The following GNPTAB variants were observed in gnomAD, a reference collection of about 807,000 sequenced individuals.
GNPTAB encodes the protein N-acetylglucosamine-1-phosphotransferase subunits alpha/beta.
Under a neutral mutation model 136.6 loss-of-function variants are expected in GNPTAB, and 92 were observed. That is an observed-to-expected ratio of 0.67 (90% CI 0.57 to 0.80). GNPTAB has a LOEUF of 0.80. Among genes scored for constraint, GNPTAB ranks in the 30% least tolerant of loss-of-function variants. The pLI is 0.00. For missense variants in GNPTAB, 1,343 were observed against 1,501.8 expected, an observed-to-expected ratio of 0.89 and a Z score of 1.75; for synonymous variants, 512 against 535.1, an observed-to-expected ratio of 0.96 and a Z score of 0.60.
At chr12:101,775,776 T>TA (rs1299715364) in intron 7 of GNPTAB, among the ~76,000 whole-genome samples, 1 of 152,124 alleles carries the variant, frequency 6.6e-6, no homozygotes, top group East Asian at 1.9e-4. Context: ...TACCGTGCTT[T>TA]AAAAGAACAA....
chr12:101,817,215 T>C (rs1452917448), intron 1 of GNPTAB, among the ~76,000 whole-genome samples: 1 of 151,534 alleles, frequency 6.6e-6, no homozygotes, highest in Non-Finnish European at 1.5e-5. Context: ...AAAGAAATGA[T>C]ACATGGTTGA....
chr12:101,761,797 A>G, intron 13 of GNPTAB, 34 bp from the exon 14 acceptor site: 1 of 1,434,484 alleles, frequency 7.0e-7, no homozygotes, highest in Non-Finnish European at 9.8e-7. Context: ...ACTCAGCATT[A>G]TGTTTAGTGC....
At chr12:101,820,992 G>A (rs1870762423) in intron 1 of GNPTAB, among the ~76,000 whole-genome samples, 1 of 150,834 alleles carries the variant, frequency 6.6e-6, no homozygotes, top group South Asian at 2.1e-4. Flanking sequence ...AGGAGGTGGA[G>A]GTTGCAGTGA....
chr12:101,803,190 G>C lies in GNPTAB; in HGVS notation c.118-6428C>G, dbSNP rs547657494. 2.0e-5 allele frequency among the ~76,000 whole-genome samples: 3 copies of C among 152,118 alleles called. No individual in the cohort carries two copies. The East Asian group carries it at 5.8e-4, about 29-fold the overall frequency. ...TCTAACCTTGTCTTCCCTCCAACAA[G>C]GGAAAAAGAAAAGATAAATGTACCA... On this transcript the variant is annotated intron_variant, in intron 1 of 20. Transcript: ENST00000299314.
intron 13 of GNPTAB, 128 bp downstream of exon 13, chr12:101,764,074 G>GT: frequency 2.5e-6 from 3 of 1,207,186 alleles, no homozygotes; most frequent in Non-Finnish European, 3.5e-6. Context: ...ATGAAACCAT[G>GT]TAAGAAAAGC....
intron 1 of GNPTAB, among the ~76,000 whole-genome samples, chr12:101,826,275 T>C (rs1871079731): frequency 1.3e-5 from 2 of 152,198 alleles, no homozygotes. Flanking sequence ...CCTATTTTGC[T>C]TCCTTATGCA....
intron 1 of GNPTAB, chr12:101,810,468 C>CACAT (rs1491147845): frequency 1.5e-5 from 2 of 133,564 alleles, no homozygotes; most frequent in Non-Finnish European, 3.3e-5. Context: ...CACACACACA[C>CACAT]ATATATATAA....
Position 101,765,251 on chromosome 12 carries a change from T to C in GNPTAB, c.1666A>G (p.Ile556Val). The C allele has an allele frequency of 6.2e-7, 1 of 1,614,008 alleles. No individual in the cohort carries two copies. Among genetic ancestry groups the C allele is most frequent in the South Asian group, 1.1e-5 (1 of 91,072 alleles). Reference sequence around the variant, plus strand: ...GGCAGGCATTCACCTTTTGGAATAATATAGTGAGTCTGGTTTGGGAGAAGG... The same window carrying C: ...GGCAGGCATTCACCTTTTGGAATAACATAGTGAGTCTGGTTTGGGAGAAGG... The part of the protein sequence containing the change: ...VILLPNQTHY[I>V]IPKGECLPYF... The change falls in exon 13 of 21, where the codon ATT becomes GTT. Residue 556 changes from isoleucine (I) to valine (V), a missense_variant. Coordinates refer to ENST00000299314, the MANE Select transcript of GNPTAB (RefSeq NM_024312.5).
chr12:101,790,945 C>T (rs529662197), intron 2 of GNPTAB, among the ~76,000 whole-genome samples: 4 of 151,912 alleles, frequency 2.6e-5, no homozygotes, highest in South Asian at 2.1e-4. Flanking sequence ...TAACCTATTC[C>T]GTTAATTATG....
At chr12:101,808,571 C>T (rs1870060414) in intron 1 of GNPTAB, among the ~76,000 whole-genome samples, 1 of 152,016 alleles carries the variant, frequency 6.6e-6, no homozygotes, top group Admixed American at 6.6e-5. Flanking sequence ...TCTAGGTGAC[C>T]TTGGATTTGA....
chr12:101,774,296 A>G (rs1953227071), intron 7 of GNPTAB, among the ~76,000 whole-genome samples: 2 of 152,234 alleles, frequency 1.3e-5, no homozygotes, highest in South Asian at 2.1e-4. Context: ...AAATATGTTA[A>G]TTCTGGTATA....
chr12:101,817,099 T>C (rs1870546404), intron 1 of GNPTAB, among the ~76,000 whole-genome samples: 1 of 150,132 alleles, frequency 6.7e-6, no homozygotes, highest in African/African-American at 2.5e-5. Context: ...CAAAAATAGT[T>C]AGATAGTCCT....
chr12:101,813,946 G>A (rs1488738836), intron 1 of GNPTAB, among the ~76,000 whole-genome samples: 1 of 152,124 alleles, frequency 6.6e-6, no homozygotes, highest in Non-Finnish European at 1.5e-5. Context: ...AGGTGTGGTG[G>A]CATGCACCTG....
chr12:101,768,854 T>C (rs1953131624), intron 10 of GNPTAB, among the ~76,000 whole-genome samples: 1 of 152,236 alleles, frequency 6.6e-6, no homozygotes, highest in African/African-American at 2.4e-5. Context: ...ATGGGCTTTC[T>C]TCCCTATCCT....
At chr12:101,779,959 CA>C in intron 7 of GNPTAB, 192 bp downstream of exon 7, 1 of 628,264 alleles carries the variant, frequency 1.6e-6, no homozygotes, top group African/African-American at 1.8e-5. Flanking sequence ...AGGAAACAAG[CA>C]AACCAAATAA....
chr12:101,754,718 T>C (rs1189799375), intron 18 of GNPTAB, among the ~76,000 whole-genome samples: 2 of 148,154 alleles, frequency 1.3e-5, no homozygotes, highest in Admixed American at 6.8e-5. Flanking sequence ...GCCAATACTT[T>C]TGAAGTAGAT....
chr12:101,786,186 A>C lies in GNPTAB; in HGVS notation c.397T>G (p.Cys133Gly). 1 of 1,613,912 alleles carries C rather than the reference A, an allele frequency of 6.2e-7. No individual in the cohort carries two copies. Among genetic ancestry groups the C allele is most frequent in the East Asian group, 2.2e-5 (1 of 44,860 alleles). ...EKQLECLLTH[C>G]IKVPMLVLDP... ...AGGACAAGCATTGGCACCTTAATGC[A>C]GTGTGTTAGCAAACACTCTAACTGC... Residue 133 changes from cysteine to glycine, a missense_variant, in exon 5 of 21, where the codon TGC becomes GGC. Coordinates refer to ENST00000299314, the MANE Select transcript of GNPTAB (RefSeq NM_024312.5).
In GNPTAB at chr12:101,786,048, T is replaced by G; in HGVS notation, c.535A>C (p.Asn179His). 1 of 1,614,004 alleles carries G rather than the reference T, an allele frequency of 6.2e-7. No individual in the cohort carries two copies. The highest frequency in any genetic ancestry group is 1.1e-5 in the South Asian group (1 of 91,080). ...NVAKPKNPST[N>H]VSVVVFDSTK... ...CTGTCAAAAACAACAACTGAGACATTGGTAGAAGGGTTTTTTGGTTTTGCA... is the reference window on the plus strand; with the variant it reads ...CTGTCAAAAACAACAACTGAGACATGGGTAGAAGGGTTTTTTGGTTTTGCA... The change falls in exon 5 of 21, where the codon AAT becomes CAT. Residue 179 changes from asparagine (N) to histidine (H), a missense_variant. Physicochemically the swap from Asn to His is moderately conservative, Grantham distance 68. Transcript: ENST00000299314.
chr12:101,793,962 G>T lies in GNPTAB; in HGVS notation c.203+2715C>A, dbSNP rs1228765249. Among the ~76,000 whole-genome samples, 3 of 152,214 alleles carry T rather than the reference G, an allele frequency of 2.0e-5. No individual in the cohort carries two copies. In the South Asian group the frequency reaches 6.2e-4, roughly 32 times the overall value. ...GGTTCAACCAATTCTCCCTGCCTCA[G>T]CCTCCCAAGTAGCTGGGATTATAGG... On this transcript the variant is annotated intron_variant, in intron 2 of 20. Coordinates refer to ENST00000299314, the MANE Select transcript of GNPTAB (RefSeq NM_024312.5).
Sources: allele counts gnomAD v4.1 joint callset (sites outside exome capture counted in the v4.1 genomes callset), GRCh38; gene constraint gnomAD v4.1.1; transcripts MANE v1.5; gene names NCBI Gene and HGNC (gene_info 2026-07-23, HGNC 2026-07-21).